The following LMNTD1 variants were observed in gnomAD, a reference collection of about 807,000 sequenced individuals.
LMNTD1 encodes lamin tail domain-containing protein 1.
LMNTD1 carries 35 observed loss-of-function variants against 50.9 expected under a neutral mutation model. The ratio of observed to expected loss-of-function variants is 0.69; its 90% confidence interval spans 0.53 to 0.91. LMNTD1 has a LOEUF of 0.91. Among genes scored for constraint, LMNTD1 ranks in the 40% least tolerant of loss-of-function variants. The probability of loss-of-function intolerance (pLI) is 0.00; values close to 1 mark genes in which losing one functional copy is unlikely to be tolerated. For synonymous variants in LMNTD1, 153 were observed against 161.9 expected, an observed-to-expected ratio of 0.94 and a Z score of 0.42; for missense variants, 470 against 475.5, an observed-to-expected ratio of 0.99 and a Z score of 0.11.
intron 1 of LMNTD1, among the ~76,000 whole-genome samples, chr12:25,592,079 G>A (rs1175163073): frequency 6.6e-6 from 1 of 152,074 alleles, no homozygotes; most frequent in Admixed American, 6.6e-5. Flanking sequence ...AGAAGGACAG[G>A]TACAAACAAG....
chr12:25,623,574 A>C (rs964955070), intron 1 of LMNTD1, among the ~76,000 whole-genome samples: 27 of 150,784 alleles, frequency 1.8e-4, no homozygotes, highest in African/African-American at 6.5e-4. Context: ...AAAAAAAAAA[A>C]AAAAAAAGGA....
At chr12:25,605,700 A>G (rs1275749313) in intron 1 of LMNTD1, among the ~76,000 whole-genome samples, 1 of 152,090 alleles carries the variant, frequency 6.6e-6, no homozygotes, top group East Asian at 1.9e-4. Context: ...CCATTGGTCT[A>G]TATCTCTGTT....
At chr12:25,571,518 C>G (rs1477210111) in intron 1 of LMNTD1, among the ~76,000 whole-genome samples, 1 of 151,888 alleles carries the variant, frequency 6.6e-6, no homozygotes, top group Non-Finnish European at 1.5e-5. Context: ...CACCCACTAC[C>G]ACACCCGGCT....
At chr12:25,522,564 AT>A (rs1238057673) in intron 6 of LMNTD1, among the ~76,000 whole-genome samples, 1 of 151,866 alleles carries the variant, frequency 6.6e-6, no homozygotes, top group African/African-American at 2.4e-5. Context: ...TCCAAGCCCC[AT>A]TTTTTTTCCC....
At chr12:25,603,597 T>A (rs192821541) in intron 1 of LMNTD1, among the ~76,000 whole-genome samples, 1 of 151,996 alleles carries the variant, frequency 6.6e-6, no homozygotes, top group African/African-American at 2.4e-5. Flanking sequence ...GAAAAAGAAA[T>A]ATTTGTTGAA....
At chr12:25,598,487 A>G (rs1945889048) in intron 1 of LMNTD1, among the ~76,000 whole-genome samples, 1 of 152,082 alleles carries the variant, frequency 6.6e-6, no homozygotes, top group Admixed American at 6.6e-5. Flanking sequence ...AATTAGTACA[A>G]GAAAAGAAAT....
rs781742784 is a variant in LMNTD1, at chr12:25,519,586, T to TAAAAAAAAAAAAAAAAAAAAAAA, written c.1016+271_1016+272insTTTTTTTTTTTTTTTTTTTTTTT. ...CTGGGTGACAGAGCGAGACTCTGTC[T>TAAAAAAAAAAAAAAAAAAAAAAA]CAAAAAAAAAAAAAAAAAAAAAGTG... On this transcript the variant is annotated intron_variant, in intron 7 of 9. Coordinates refer to ENST00000458174, the MANE Select transcript of LMNTD1 (RefSeq NM_001145728.2). 1.3e-3 allele frequency among the ~76,000 whole-genome samples: 97 copies of TAAAAAAAAAAAAAAAAAAAAAAA among 74,912 alleles called. 19 individuals are homozygous for TAAAAAAAAAAAAAAAAAAAAAAA. Among genetic ancestry groups the TAAAAAAAAAAAAAAAAAAAAAAA allele is most frequent in the Non-Finnish European group, 1.5e-3 (65 of 43,064 alleles). 49.1% of individuals were successfully genotyped at this position (74,912 alleles called of 152,430 possible). A position where few individuals can be genotyped will look rare whatever the true frequency, so the allele number is the denominator to read the frequency against.
chr12:25,483,409 G>T (rs1055969310), intron 9 of LMNTD1, among the ~76,000 whole-genome samples: 1 of 151,064 alleles, frequency 6.6e-6, no homozygotes, highest in Non-Finnish European at 1.5e-5. Context: ...GTGACAAAGG[G>T]AGATCCTGTC....
At chr12:25,586,750 G>A (rs888417969) in intron 1 of LMNTD1, among the ~76,000 whole-genome samples, 1 of 152,182 alleles carries the variant, frequency 6.6e-6, no homozygotes, top group Non-Finnish European at 1.5e-5. Context: ...TCTCTGATAC[G>A]ATGGTGAACT....
chr12:25,481,909 A>G (rs766238807), intron 9 of LMNTD1, among the ~76,000 whole-genome samples: 9 of 150,004 alleles, frequency 6.0e-5, no homozygotes, highest in Non-Finnish European at 1.0e-4. Flanking sequence ...ACACACACAT[A>G]TAGTGAAAGG....
intron 1 of LMNTD1, among the ~76,000 whole-genome samples, chr12:25,612,106 G>A (rs1376136366): frequency 1.3e-5 from 2 of 152,170 alleles, no homozygotes; most frequent in South Asian, 2.1e-4. Context: ...CAGTGAAGTA[G>A]AGGGCTTTTC....
intron 1 of LMNTD1, among the ~76,000 whole-genome samples, chr12:25,605,763 A>G (rs1328717256): frequency 1.3e-5 from 2 of 152,166 alleles, no homozygotes; most frequent in African/African-American, 4.8e-5. Context: ...GTATAGTTTG[A>G]AGTCAGGTAG....
In LMNTD1 at chr12:25,553,123, A is replaced by G; in HGVS notation, c.-85T>C. 1 of 1,612,506 alleles carries G rather than the reference A, an allele frequency of 6.2e-7. No homozygotes were observed. The highest frequency in any genetic ancestry group is 8.5e-7 in the Non-Finnish European group (1 of 1,179,902). ...CTAGGTTTAATAATTTCTTTACCAA[A>G]CTAGTACCAGAACCACAATTCTCAT... On this transcript the variant is annotated 5_prime_UTR_variant, in exon 1 of 10. Transcript: ENST00000458174.
chr12:25,563,122 T>C (rs755494823), intron 1 of LMNTD1, among the ~76,000 whole-genome samples: 1 of 152,244 alleles, frequency 6.6e-6, no homozygotes, highest in Non-Finnish European at 1.5e-5. Flanking sequence ...TTACCAATCA[T>C]CTGAAGCCTT....
intron 1 of LMNTD1, among the ~76,000 whole-genome samples, chr12:25,558,695 G>C (rs1044786176): frequency 1.3e-5 from 2 of 152,202 alleles, no homozygotes; most frequent in Non-Finnish European, 2.9e-5. Context: ...GACAAAGGAA[G>C]GGCAAAGGGT....
At chr12:25,581,230 T>C (rs1340422439) in intron 1 of LMNTD1, among the ~76,000 whole-genome samples, 1 of 152,178 alleles carries the variant, frequency 6.6e-6, no homozygotes, top group Non-Finnish European at 1.5e-5. Context: ...AGGGATAAGC[T>C]AAAGGCCCCG....
chr12:25,489,337 G>GT (rs900396919), intron 9 of LMNTD1, among the ~76,000 whole-genome samples: 2 of 151,150 alleles, frequency 1.3e-5, no homozygotes, highest in Non-Finnish European at 2.9e-5. Context: ...GTGGTGCGCC[G>GT]TTTTTTAAGC....
intron 1 of LMNTD1, among the ~76,000 whole-genome samples, chr12:25,624,113 A>T (rs899460399): frequency 6.6e-6 from 1 of 152,206 alleles, no homozygotes; most frequent in Non-Finnish European, 1.5e-5. Flanking sequence ...AGCAATGCTC[A>T]TTGACTGTTC....
At chr12:25,516,226 C>G (rs1705410) in intron 8 of LMNTD1, among the ~76,000 whole-genome samples, 112,552 of 151,950 alleles carry the variant, frequency 0.74, 42,604 homozygotes, top group East Asian at 0.88. Context: ...TGAAAATTAA[C>G]TGAATGGAAA....
Sources: gnomAD v4.1 joint callset for allele counts (sites outside exome capture counted in the v4.1 genomes callset) on GRCh38, gnomAD v4.1.1 for gene constraint, MANE v1.5 for transcripts, NCBI Gene and HGNC (gene_info 2026-07-23, HGNC 2026-07-21) for gene names.